CDC42BPA: variants seen among roughly 807,000 people sequenced by gnomAD.
CDC42BPA encodes the protein serine/threonine-protein kinase MRCK alpha.
Under a neutral mutation model 223.5 loss-of-function variants are expected in CDC42BPA, and 80 were observed. The observed-to-expected ratio is 0.36, with a 90% CI of 0.30 to 0.43. The LOEUF is 0.43. Among genes scored for constraint, CDC42BPA ranks in the 20% least tolerant of loss-of-function variants. The pLI is 1.00. For synonymous variants in CDC42BPA, 694 were observed against 718.6 expected, an observed-to-expected ratio of 0.97 and a Z score of 0.55; for missense variants, 1,743 against 2,099.9, an observed-to-expected ratio of 0.83 and a Z score of 3.32.
At chr1:227,264,940 G>T in intron 1 of CDC42BPA, 4 of 1,121,106 alleles carry the variant, frequency 3.6e-6, no homozygotes, top group Non-Finnish European at 5.5e-6. Flanking sequence ...TATATTCATG[G>T]ATTATCTCTT....
At chr1:227,081,214 T>C (rs1030243928) in intron 16 of CDC42BPA, among the ~76,000 whole-genome samples, 197 bp from the exon 17 acceptor site, 4 of 152,152 alleles carry the variant, frequency 2.6e-5, no homozygotes, top group African/African-American at 9.7e-5. Context: ...CCTTACAACC[T>C]ACAGTGACTT....
At chr1:227,276,131 G>A (rs535116714) in intron 1 of CDC42BPA, among the ~76,000 whole-genome samples, 2 of 149,302 alleles carry the variant, frequency 1.3e-5, no homozygotes, top group Admixed American at 6.7e-5. Flanking sequence ...GCCTCTTCCC[G>A]GCCGCCATCA....
chr1:227,192,903 T>C (rs1468292539), intron 5 of CDC42BPA, among the ~76,000 whole-genome samples: 2 of 152,244 alleles, frequency 1.3e-5, no homozygotes, highest in African/African-American at 4.8e-5. Flanking sequence ...AATGAACCTA[T>C]GACTTATGGT....
intron 6 of CDC42BPA, among the ~76,000 whole-genome samples, chr1:227,159,895 G>C (rs1299583321): frequency 6.6e-6 from 1 of 151,924 alleles, no homozygotes; most frequent in African/African-American, 2.4e-5. Flanking sequence ...CCAGGCTGGA[G>C]TGCAGTGGTG....
intron 1 of CDC42BPA, among the ~76,000 whole-genome samples, chr1:227,288,665 C>T (rs2148634833): frequency 6.6e-6 from 1 of 151,900 alleles, no homozygotes; most frequent in Non-Finnish European, 1.5e-5. Context: ...CATTTCACTC[C>T]AGCCTGGGTG....
intron 4 of CDC42BPA, among the ~76,000 whole-genome samples, chr1:227,194,463 C>A (rs1276911630): frequency 6.6e-6 from 1 of 152,202 alleles, no homozygotes; most frequent in East Asian, 1.9e-4. Flanking sequence ...TAGTAATTAT[C>A]ACCATATGTG....
chr1:227,123,567 G>A (rs777461777), intron 11 of CDC42BPA, among the ~76,000 whole-genome samples: 1 of 152,136 alleles, frequency 6.6e-6, no homozygotes, highest in Non-Finnish European at 1.5e-5. Flanking sequence ...CAAATTGTGT[G>A]GCAGGCTGTA....
chr1:227,233,329 G>A (rs1678384150), intron 2 of CDC42BPA, among the ~76,000 whole-genome samples: 1 of 152,012 alleles, frequency 6.6e-6, no homozygotes, highest in African/African-American at 2.4e-5. Flanking sequence ...GAGCCACCAC[G>A]CCCGGCCTCT....
rs776371975 is a variant in CDC42BPA at position 227,074,249 on chromosome 1, A to G, written c.2586+10T>C. ...ATGATAAGCCTCCATGCAAAATCAT[A>G]GAAGCTTACTGTTGCTCGTGTACCC... On this transcript the variant is annotated intron_variant, in intron 18 of 36. Coordinates refer to ENST00000366766, the MANE Select transcript of CDC42BPA (RefSeq NM_001394014.1). 6 of 1,583,374 alleles carry G rather than the reference A, an allele frequency of 3.8e-6. No individual in the cohort carries two copies. Among genetic ancestry groups the G allele is most frequent in the East Asian group, 2.2e-5 (1 of 44,728 alleles).
chr1:227,073,077 C>T (rs1364260424), intron 19 of CDC42BPA, among the ~76,000 whole-genome samples: 1 of 152,136 alleles, frequency 6.6e-6, no homozygotes, highest in East Asian at 1.9e-4. Flanking sequence ...AGTTTAAGGA[C>T]TATGACTACA....
intron 3 of CDC42BPA, among the ~76,000 whole-genome samples, chr1:227,205,332 A>AGTATAATG (rs1672528915): frequency 6.6e-6 from 1 of 150,676 alleles, no homozygotes; most frequent in African/African-American, 2.4e-5. Flanking sequence ...AGAGCCATTC[A>AGTATAATG]GTATAATGAA....
intron 19 of CDC42BPA, 45 bp from the exon 20 acceptor site, chr1:227,072,344 C>A: frequency 8.6e-7 from 1 of 1,159,046 alleles, no homozygotes; most frequent in African/African-American, 1.5e-5. Context: ...ATTTTTATTG[C>A]TGGTTAGTGA....
In CDC42BPA at chr1:227,059,387, T is replaced by C. The variant is rs1324790457; in HGVS notation, c.2905-7402A>G. The C allele has an allele frequency of 1.9e-6, 3 of 1,563,668 alleles. No individual in the cohort carries two copies. The African/African-American group carries it at 4.1e-5, about 21-fold the overall frequency. ...AAGTCTCTTACACGTCTGCCTTTGC[T>C]AGCTGGAGTACAGGATGGAGAGCGC... On this transcript the variant is annotated intron_variant, in intron 21 of 36. Transcript: ENST00000366766.
At chr1:227,013,143 A>C (rs1475670848) in intron 34 of CDC42BPA, among the ~76,000 whole-genome samples, 2 of 152,192 alleles carry the variant, frequency 1.3e-5, no homozygotes, top group Non-Finnish European at 1.5e-5. Context: ...ATACAAAAGC[A>C]CTTACGTGAT....
intron 2 of CDC42BPA, among the ~76,000 whole-genome samples, chr1:227,215,988 T>A (rs771101231): frequency 4.6e-5 from 7 of 152,294 alleles, no homozygotes; most frequent in Middle Eastern, 3.4e-3. Flanking sequence ...AAATATGGTA[T>A]CTCACAGTAT....
chr1:227,083,142 C>T (rs901329480), intron 16 of CDC42BPA, among the ~76,000 whole-genome samples: 6 of 140,154 alleles, frequency 4.3e-5, no homozygotes, highest in Admixed American at 4.3e-4. Context: ...AAATATTGCA[C>T]TGCCACCATC....
At chr1:227,183,305 T>G (rs1668252702) in intron 5 of CDC42BPA, 1 of 152,156 alleles carries the variant, frequency 6.6e-6, no homozygotes, top group African/African-American at 2.4e-5. Flanking sequence ...ACAAAAGAAC[T>G]CCCTCACACT....
chr1:227,221,350 C>CTA (rs1185188482), intron 2 of CDC42BPA, among the ~76,000 whole-genome samples: 2 of 152,136 alleles, frequency 1.3e-5, no homozygotes, highest in African/African-American at 4.8e-5. Context: ...CTCTTACTAT[C>CTA]TATACCCTTA....
intron 1 of CDC42BPA, among the ~76,000 whole-genome samples, chr1:227,287,279 G>A (rs895956957): frequency 1.3e-5 from 2 of 152,118 alleles, no homozygotes; most frequent in East Asian, 3.9e-4. Context: ...CTATTTCTTA[G>A]CAAGGCCTAT....
Sources: gnomAD v4.1 joint callset for allele counts (sites outside exome capture counted in the v4.1 genomes callset) on GRCh38, gnomAD v4.1.1 for gene constraint, MANE v1.5 for transcripts, NCBI Gene and HGNC (gene_info 2026-07-23, HGNC 2026-07-21) for gene names.